Variants in DNAH9 observed in about 807,000 individuals in gnomAD.
DNAH9 encodes DNAH9 variant protein.
In DNAH9, 345 loss-of-function variants were observed where a neutral mutation model predicts 471.6. The observed-to-expected ratio is 0.73, with a 90% CI of 0.67 to 0.80. DNAH9 has a LOEUF of 0.80. DNAH9 is among the 30% of genes least tolerant of loss of function. DNAH9 has a pLI of 0.00. For synonymous variants in DNAH9, 2,093 were observed against 2,123.6 expected, an observed-to-expected ratio of 0.99 and a Z score of 0.40; for missense variants, 5,407 against 5,609.2, an observed-to-expected ratio of 0.96 and a Z score of 1.15.
At chr17:11,682,645 G>C (rs984298589) in intron 19 of DNAH9, among the ~76,000 whole-genome samples, 2 of 151,970 alleles carry the variant, frequency 1.3e-5, no homozygotes, top group Non-Finnish European at 2.9e-5. Flanking sequence ...CTGCCAGTTG[G>C]GCTGCACATT....
At chr17:11,950,421 TTCTC>T (rs1389018460) in intron 67 of DNAH9, among the ~76,000 whole-genome samples, 2 of 152,238 alleles carry the variant, frequency 1.3e-5, no homozygotes, top group African/African-American at 4.8e-5. Context: ...GATGGAATCT[TTCTC>T]TATTGCCCAG....
intron 6 of DNAH9, among the ~76,000 whole-genome samples, chr17:11,624,097 T>C (rs935906845): frequency 2.0e-4 from 31 of 152,234 alleles, no homozygotes; most frequent in African/African-American, 7.0e-4. Context: ...ATAACCATGA[T>C]ACAGGTAATC....
At chr17:11,787,097 A>C (rs1167299958) in intron 41 of DNAH9, among the ~76,000 whole-genome samples, 25 of 152,236 alleles carry the variant, frequency 1.6e-4, no homozygotes, top group African/African-American at 4.8e-5. Context: ...AACTGATCAA[A>C]GAACAATTCA....
At chr17:11,751,190 G>A (rs1967134286) in intron 32 of DNAH9, among the ~76,000 whole-genome samples, 1 of 151,696 alleles carries the variant, frequency 6.6e-6, no homozygotes, top group South Asian at 2.1e-4. Context: ...GAGTAAACTA[G>A]TGAAAAGAAA....
Position 11,693,765 on chromosome 17 carries a change from T to A in DNAH9, c.4615-103T>A. The A allele has an allele frequency of 2.4e-6, 3 of 1,251,242 alleles. No individual in the cohort carries two copies. In the South Asian group the frequency reaches 3.7e-5, roughly 15 times the overall value. The allele number at this position is 1,251,242 out of a possible 1,614,324, so 77.5% of individuals were successfully genotyped here. On this transcript the variant is annotated intron_variant, in intron 20 of 68. Coordinates refer to ENST00000262442, the MANE Select transcript of DNAH9 (RefSeq NM_001372.4). ...CTTCGTTGAGTCTATTCTCTGTATT[T>A]GACAACCCAGGAACAAGTTTCTGCT...
intron 65 of DNAH9, among the ~76,000 whole-genome samples, chr17:11,936,422 G>A (rs567755786): frequency 6.6e-6 from 1 of 152,270 alleles, no homozygotes; most frequent in East Asian, 1.9e-4. Context: ...TTGAGCTGAT[G>A]AGTTAGAGAC....
intron 67 of DNAH9, among the ~76,000 whole-genome samples, chr17:11,954,899 C>T (rs1167159715): frequency 4.0e-5 from 6 of 151,576 alleles, no homozygotes. Context: ...ATATGAAAGA[C>T]ATTTTTACTC....
intron 5 of DNAH9, among the ~76,000 whole-genome samples, chr17:11,618,447 G>A (rs1441156393): frequency 3.3e-5 from 5 of 152,032 alleles, no homozygotes; most frequent in East Asian, 1.9e-4. Flanking sequence ...TTAGCTGGGC[G>A]TGGTGGTGCA....
intron 27 of DNAH9, among the ~76,000 whole-genome samples, chr17:11,720,343 C>T (rs957240077): frequency 7.9e-5 from 12 of 151,848 alleles, no homozygotes; most frequent in Admixed American, 3.9e-4. Context: ...TGGTGTGCTG[C>T]ACCCATTAAC....
chr17:11,720,413 G>A lies in DNAH9; in HGVS notation c.5709+923G>A, dbSNP rs573032755. 2.0e-4 allele frequency among the ~76,000 whole-genome samples: 30 copies of A among 151,540 alleles called. No homozygotes were observed. In the South Asian group the frequency reaches 3.8e-3, roughly 19 times the overall value. On this transcript the variant is annotated intron_variant, in intron 27 of 68. Coordinates refer to ENST00000262442, the MANE Select transcript of DNAH9 (RefSeq NM_001372.4). ...TCCCTCCCCGCTTCCCCCACCCCACGACAGGCCCTGGTAAAACAAAAATGT... is the reference window on the plus strand; with the variant it reads ...TCCCTCCCCGCTTCCCCCACCCCACAACAGGCCCTGGTAAAACAAAAATGT...
rs371663534 is a variant in DNAH9, at chr17:11,932,068, C to T, written c.12160C>T (p.Leu4054Phe). ...ETEFKSILFA[L>F]CYFHAVVAER... ...GGAGTTTAAGAGCATCCTCTTTGCT[C>T]TTTGTTACTTCCATGCGGTGGTGGC... is the stretch of plus-strand genomic sequence containing the variant. The change falls in exon 64 of 69, where the codon CTT becomes TTT. Residue 4054 changes from leucine (L) to phenylalanine (F), a missense_variant. By Grantham distance (22) the Leu-to-Phe change is conservative. Around this residue, in one of 3 missense-constraint regions of DNAH9, gnomAD observed 4,636 missense variants for 4,900.3 expected, o/e 0.95. Transcript: ENST00000262442. The surrounding 1 kb of genome is among the most constrained non-coding windows in gnomAD (Gnocchi z 4.3). The T allele has an allele frequency of 1.9e-6, 3 of 1,614,144 alleles. No homozygotes were observed. The highest frequency in any genetic ancestry group is 2.5e-6 in the Non-Finnish European group (3 of 1,180,032).
At position 11,629,532 on chromosome 17, in the gene DNAH9, T is replaced by G; in HGVS notation, c.1466T>G (p.Met489Arg). The change falls in exon 7 of 69, where the codon ATG becomes AGG. Residue 489 changes from methionine (M) to arginine (R), a missense_variant. Transcript: ENST00000262442. ...VQQMHEEFQE[M>R]YRLLSGSSSD... is the part of the protein sequence containing the mutation. The stretch of plus-strand genomic sequence containing the variant: ...CAAATGCATGAAGAATTTCAAGAGA[T>G]GTACAGGCTTCTCTCAGGATCCTCC... The G allele has an allele frequency of 1.9e-6, 3 of 1,614,170 alleles. No homozygotes were observed. The highest frequency in any genetic ancestry group is 2.5e-6 in the Non-Finnish European group (3 of 1,180,004).
chr17:11,894,480 C>T lies in DNAH9; in HGVS notation c.11390C>T (p.Ala3797Val), dbSNP rs747156273. ...ASPVEFLSHQ[A>V]WGAVKVLSSM... ...CCCGTGGAGTTCCTCTCCCATCAGG[C>T]GTGGGGAGCTGTCAAGGTCAGTATT... Residue 3797 changes from alanine (A) to valine (V), a missense_variant, in exon 59 of 69, where the codon GCG becomes GTG. By Grantham distance (64) the Ala-to-Val change is moderately conservative. This residue lies in a region of DNAH9 where 4,636 missense variants were observed against 4,900.3 expected (regional missense o/e 0.95). Transcript: ENST00000262442. The T allele has an allele frequency of 3.2e-5, 52 of 1,614,008 alleles. No individual in the cohort carries two copies. The highest frequency in any genetic ancestry group is 1.2e-4 in the South Asian group (11 of 91,078).
chr17:11,912,762 T>C (rs915544277), intron 61 of DNAH9, among the ~76,000 whole-genome samples: 6 of 152,238 alleles, frequency 3.9e-5, no homozygotes, highest in Non-Finnish European at 8.8e-5. Flanking sequence ...TATATTGACC[T>C]GTTGTTTTCT....
At chr17:11,879,756 C>T (rs1246536897) in intron 53 of DNAH9, among the ~76,000 whole-genome samples, 1 of 151,924 alleles carries the variant, frequency 6.6e-6, no homozygotes, top group African/African-American at 2.4e-5. Flanking sequence ...AACAAAACAC[C>T]ATATGAATCT....
intron 51 of DNAH9, among the ~76,000 whole-genome samples, chr17:11,870,019 CCT>C (rs774889482): frequency 6.6e-6 from 1 of 152,058 alleles, no homozygotes; most frequent in Non-Finnish European, 1.5e-5. Flanking sequence ...TGCAGCTGGT[CCT>C]CTCTCCCTTC....
chr17:11,906,066 C>T (rs1973587262), intron 61 of DNAH9, among the ~76,000 whole-genome samples: 2 of 152,164 alleles, frequency 1.3e-5, no homozygotes, highest in Non-Finnish European at 2.9e-5. Context: ...CTGCCTCACC[C>T]ATCCCCTTAT....
rs750072255 is a variant in DNAH9, at chr17:11,608,313, A to G, written c.602A>G (p.Lys201Arg). The change falls in exon 2 of 69, where the codon AAA (lysine) becomes AGA (arginine). Residue 201 changes from lysine to arginine, a missense_variant. By Grantham distance (26) the Lys-to-Arg change is conservative. This residue lies in a region of DNAH9 where 767 missense variants were observed against 692.5 expected (regional missense o/e 1.11). Transcript: ENST00000262442. ...GAAAAAATGGAGTTTGCGGATTCCA[A>G]AAGTGAGACAGTGTAAGTACCGCCA... The part of the protein sequence containing the change: ...GSEKMEFADS[K>R]SETVLDSIDK... 6.2e-7 allele frequency: 1 copy of G among 1,607,948 alleles called. No homozygotes were observed. Among genetic ancestry groups the G allele is most frequent in the Non-Finnish European group, 8.5e-7 (1 of 1,178,038 alleles).
chr17:11,681,374 A>T (rs2074130100), intron 19 of DNAH9, among the ~76,000 whole-genome samples: 1 of 152,102 alleles, frequency 6.6e-6, no homozygotes, highest in African/African-American at 2.4e-5. Context: ...TTGTTATGAC[A>T]GGTCTTTACA....
Sources: gnomAD v4.1 joint callset for allele counts (sites outside exome capture counted in the v4.1 genomes callset) on GRCh38, gnomAD v4.1.1 for gene constraint, gnomAD v4.1.1 regional missense constraint, Gnocchi (gnomAD v3.1) non-coding constraint, MANE v1.5 for transcripts, NCBI Gene and HGNC (gene_info 2026-07-23, HGNC 2026-07-21) for gene names.